DNAH11: variants seen among roughly 807,000 people sequenced by gnomAD.
DNAH11 encodes the protein dynein axonemal heavy chain 11, also known as axonemal beta dynein heavy chain 11.
Under a neutral mutation model 526.0 loss-of-function variants are expected in DNAH11, and 442 were observed. That is an observed-to-expected ratio of 0.84 (90% CI 0.78 to 0.91). The LOEUF (loss-of-function observed/expected upper bound fraction) is 0.91. Among genes scored for constraint, DNAH11 ranks in the 40% least tolerant of loss-of-function variants. The pLI, the probability that DNAH11 is intolerant of heterozygous loss-of-function variation, is 0.00. For missense variants in DNAH11, 6,989 were observed against 5,448.7 expected, an observed-to-expected ratio of 1.28 and a Z score of -8.90; for synonymous variants, 2,461 against 1,935.9, an observed-to-expected ratio of 1.27 and a Z score of -7.12.
rs753174102 is a variant in DNAH11 at position 21,558,814 on chromosome 7, G to A, written c.508G>A (p.Val170Ile). The change falls in exon 3 of 82, where the codon GTT becomes ATT. Residue 170 changes from valine (V) to isoleucine (I), a missense_variant. Physicochemically the swap from Val to Ile is conservative, Grantham distance 29 (BLOSUM62 3). Coordinates refer to ENST00000409508, the MANE Select transcript of DNAH11 (RefSeq NM_001277115.2). ...SAFLDEILVP[V>I]LSNKNNHKSW... is the part of the protein sequence containing the mutation. ...TCTCTTTCTCTAGATTTTAGTGCCA[G>A]TTCTTTCTAATAAGAACAACCATAA... 5.7e-6 allele frequency: 9 copies of A among 1,582,552 alleles called. No homozygotes were observed. Among genetic ancestry groups the A allele is most frequent in the South Asian group, 2.4e-5 (2 of 83,180 alleles).
chr7:21,897,306 T>A (rs1784551461), intron 79 of DNAH11, among the ~76,000 whole-genome samples: 1 of 152,168 alleles, frequency 6.6e-6, no homozygotes, highest in Non-Finnish European at 1.5e-5. Context: ...TTTCATGCCC[T>A]ATACTCTTAT....
Position 21,745,054 on chromosome 7 carries a change from T to C in DNAH11, c.8501T>C (p.Met2834Thr), listed in dbSNP as rs1383392357. 1.9e-6 allele frequency: 3 copies of C among 1,605,918 alleles called. No individual in the cohort carries two copies. Among genetic ancestry groups the C allele is most frequent in the African/African-American group, 1.3e-5 (1 of 74,852 alleles). Residue 2834 changes from methionine to threonine, a missense_variant, in exon 51 of 82, where the codon ATG becomes ACG. By Grantham distance (81) the Met-to-Thr change is moderately conservative (BLOSUM62 -1). Coordinates refer to ENST00000409508, the MANE Select transcript of DNAH11 (RefSeq NM_001277115.2). ...CACCTAGTTTTGTTTGAAGATGCCA[T>C]GCAACATGTGTGAGTTAACTAGTCA... ...AMHLVLFEDA[M>T]QHVCRISRIL...
rs1785091363 is a variant in DNAH11, at chr7:21,601,584, A to G, written c.3614A>G (p.Gln1205Arg). The G allele has an allele frequency of 6.2e-7, 1 of 1,600,206 alleles. No homozygotes were observed. The highest frequency in any genetic ancestry group is 8.6e-7 in the Non-Finnish European group (1 of 1,169,552). The change falls in exon 18 of 82, where the codon CAG becomes CGG. Residue 1205 changes from glutamine (Q) to arginine (R), a missense_variant. By Grantham distance (43) the Gln-to-Arg change is conservative. Transcript: ENST00000409508. ...ETITLLESYGQKMPEQVYIQL... is the reference protein window; with the variant it reads ...ETITLLESYGRKMPEQVYIQL... ...ATCACCCTCTTGGAAAGCTATGGCC[A>G]GAAGATGCCTGAGCAGGTCTATATT...
chr7:21,837,260 C>T (rs1170038285), intron 65 of DNAH11, among the ~76,000 whole-genome samples: 1 of 152,126 alleles, frequency 6.6e-6, no homozygotes, highest in Non-Finnish European at 1.5e-5. Flanking sequence ...ATGAAATCAG[C>T]ATGTCAAAAA....
In DNAH11 at chr7:21,543,232, C is replaced by G; in HGVS notation, c.-14C>G. On this transcript the variant is annotated 5_prime_UTR_variant, in exon 1 of 82. Coordinates refer to ENST00000409508, the MANE Select transcript of DNAH11 (RefSeq NM_001277115.2). ...GGAGCCAGCCGGCCTCGCGTTCCCTCGGACGGTTGCCCAATGGCAGCCCAG... is the reference window on the plus strand; with the variant it reads ...GGAGCCAGCCGGCCTCGCGTTCCCTGGGACGGTTGCCCAATGGCAGCCCAG... The G allele has an allele frequency of 6.6e-7, 1 of 1,519,174 alleles. No homozygotes were observed. Among genetic ancestry groups the G allele is most frequent in the Non-Finnish European group, 8.8e-7 (1 of 1,133,806 alleles). 94.1% of individuals were successfully genotyped at this position (1,519,174 alleles called of 1,614,324 possible).
chr7:21,815,284 G>T (rs777439521), intron 63 of DNAH11, among the ~76,000 whole-genome samples: 4 of 152,162 alleles, frequency 2.6e-5, no homozygotes, highest in Non-Finnish European at 5.9e-5. Context: ...CTTGCAGATA[G>T]AAGATTGCTT....
At position 21,852,483 on chromosome 7, in the gene DNAH11, A is replaced by G; in HGVS notation, c.10913A>G (p.His3638Arg). The G allele has an allele frequency of 6.2e-7, 1 of 1,613,250 alleles. No homozygotes were observed. Among genetic ancestry groups the G allele is most frequent in the South Asian group, 1.1e-5 (1 of 91,006 alleles). ...LEKLKLVLTK[H>R]QNDFKIELKY... ...TTTTATTAGTTGGTATTGACAAAGCACCAAAATGATTTTAAAATTGAGCTC... is the reference window on the plus strand; with the variant it reads ...TTTTATTAGTTGGTATTGACAAAGCGCCAAAATGATTTTAAAATTGAGCTC... The change falls in exon 67 of 82, where the codon CAC becomes CGC. Residue 3638 changes from histidine to arginine, a missense_variant. Coordinates refer to ENST00000409508, the MANE Select transcript of DNAH11 (RefSeq NM_001277115.2).
chr7:21,656,469 CCT>C (rs1486609505), intron 29 of DNAH11, among the ~76,000 whole-genome samples: 3 of 152,156 alleles, frequency 2.0e-5, no homozygotes, highest in Non-Finnish European at 1.5e-5. Context: ...AAGCTGATGT[CCT>C]GTACTCTAAT....
chr7:21,790,779 A>C (rs146714558), intron 61 of DNAH11, among the ~76,000 whole-genome samples: 91 of 152,312 alleles, frequency 6.0e-4, no homozygotes, highest in African/African-American at 2.1e-3. Context: ...CCTGCAATGA[A>C]TGTTTTGGCG....
At chr7:21,651,486 C>T (rs1382807008) in intron 28 of DNAH11, among the ~76,000 whole-genome samples, 1 of 152,124 alleles carries the variant, frequency 6.6e-6, no homozygotes, top group Non-Finnish European at 1.5e-5. Flanking sequence ...CCTCAGCCTC[C>T]GGAGTAGCTG....
intron 65 of DNAH11, among the ~76,000 whole-genome samples, chr7:21,828,659 T>C (rs979199372): frequency 2.6e-5 from 4 of 152,026 alleles, no homozygotes; most frequent in African/African-American, 4.8e-5. Context: ...TTGTTTTTGA[T>C]GCTACATTAT....
intron 65 of DNAH11, among the ~76,000 whole-genome samples, chr7:21,834,824 C>G (rs932253219): frequency 1.3e-5 from 2 of 152,122 alleles, no homozygotes; most frequent in South Asian, 4.2e-4. Flanking sequence ...CAGTCTAGCA[C>G]TCCAGCCTGG....
intron 23 of DNAH11, 39 bp downstream of exon 23, chr7:21,617,816 CTG>C: frequency 6.6e-7 from 1 of 1,513,060 alleles, no homozygotes; most frequent in Non-Finnish European, 8.8e-7. Context: ...CTTTTTATGA[CTG>C]TGAAGTGTTA....
At chr7:21,853,181 T>C (rs1242728056) in intron 67 of DNAH11, among the ~76,000 whole-genome samples, 2 of 152,220 alleles carry the variant, frequency 1.3e-5, no homozygotes, top group African/African-American at 4.8e-5. Flanking sequence ...ATGTCCAACA[T>C]GGGTCCCAAT....
intron 28 of DNAH11, 65 bp from the exon 29 acceptor site, chr7:21,655,767 T>G: frequency 6.0e-6 from 9 of 1,495,836 alleles, no homozygotes; most frequent in Non-Finnish European, 8.2e-6. Flanking sequence ...TGGCATCATC[T>G]CTAGATTATC....
chr7:21,673,920 A>G (rs577345616), intron 30 of DNAH11, among the ~76,000 whole-genome samples: 69 of 150,570 alleles, frequency 4.6e-4, no homozygotes, highest in African/African-American at 1.6e-3. Context: ...TTTTTTTTGA[A>G]TTCTAGTTTT....
chr7:21,683,888 C>T lies in DNAH11; in HGVS notation c.5565C>T (p.Tyr1855=). 1.2e-6 allele frequency: 2 copies of T among 1,613,792 alleles called. No homozygotes were observed. Among genetic ancestry groups the T allele is most frequent in the South Asian group, 1.1e-5 (1 of 91,052 alleles). ...FVNICDAQFQ[Y]FYEYLGNSPR... ...ATATTTGTGATGCCCAGTTCCAGTA[C>T]TTCTATGAATACTTAGGAAACAGCC... Residue 1855 remains tyrosine, a synonymous_variant, in exon 32 of 82, where the codon TAC becomes TAT. Coordinates refer to ENST00000409508, the MANE Select transcript of DNAH11 (RefSeq NM_001277115.2).
intron 1 of DNAH11, 55 bp downstream of exon 1, chr7:21,543,651 A>G: frequency 6.6e-7 from 1 of 1,523,726 alleles, no homozygotes; most frequent in Non-Finnish European, 8.8e-7. Flanking sequence ...CCCAGGGGAG[A>G]CAGCCCAGTC....
chr7:21,558,351 G>C (rs1783306216), intron 2 of DNAH11, among the ~76,000 whole-genome samples: 1 of 152,182 alleles, frequency 6.6e-6, no homozygotes, highest in South Asian at 2.1e-4. Flanking sequence ...CCATGTGGCT[G>C]AATAAACATC....
Sources: gnomAD v4.1 joint callset for allele counts (sites outside exome capture counted in the v4.1 genomes callset) on GRCh38, gnomAD v4.1.1 for gene constraint, MANE v1.5 for transcripts, NCBI Gene and HGNC (gene_info 2026-07-23, HGNC 2026-07-21) for gene names.